Variants in GRM5 observed in about 807,000 individuals in gnomAD.
GRM5 encodes metabotropic glutamate receptor 5.
Under a neutral mutation model 83.1 loss-of-function variants are expected in GRM5, and 19 were observed. That is an observed-to-expected ratio of 0.23 (90% CI 0.16 to 0.34). GRM5 has a LOEUF of 0.34. GRM5 is among the 10% of genes least tolerant of loss of function. GRM5 has a pLI of 1.00. For synonymous variants in GRM5, 675 were observed against 633.6 expected, an observed-to-expected ratio of 1.07 and a Z score of -0.98; for missense variants, 1,160 against 1,588.3, an observed-to-expected ratio of 0.73 and a Z score of 4.58.
At chr11:88,719,109 G>T (rs1259382463) in intron 3 of GRM5, among the ~76,000 whole-genome samples, 2 of 151,380 alleles carry the variant, frequency 1.3e-5, no homozygotes, top group Non-Finnish European at 1.5e-5. Flanking sequence ...ACAAGTGCAG[G>T]TTTGTTACAT....
chr11:88,645,982 A>G (rs927335172), intron 4 of GRM5, among the ~76,000 whole-genome samples: 2 of 152,096 alleles, frequency 1.3e-5, no homozygotes, highest in Admixed American at 1.3e-4. Flanking sequence ...GGAGGAACCT[A>G]AAGTTTGAGG....
intron 2 of GRM5, among the ~76,000 whole-genome samples, chr11:89,028,945 AC>A (rs1023938837): frequency 1.3e-4 from 18 of 141,760 alleles, no homozygotes; most frequent in Admixed American, 1.1e-3. Flanking sequence ...CCAGTCCCCC[AC>A]CCCCCTACGT....
intron 3 of GRM5, among the ~76,000 whole-genome samples, chr11:88,841,762 C>T (rs1944207122): frequency 6.6e-6 from 1 of 152,202 alleles, no homozygotes; most frequent in South Asian, 2.1e-4. Context: ...TTCAGCATCA[C>T]TACTGACACT....
intron 3 of GRM5, among the ~76,000 whole-genome samples, chr11:88,656,140 T>C (rs1451072848): frequency 6.4e-5 from 1 of 15,718 alleles, no homozygotes; most frequent in Non-Finnish European, 1.5e-4. Context: ...CAATTTAATT[T>C]TTTGGGTGAC....
intron 3 of GRM5, among the ~76,000 whole-genome samples, chr11:88,829,985 C>G (rs1449713216): frequency 6.6e-6 from 1 of 151,376 alleles, no homozygotes; most frequent in Non-Finnish European, 1.5e-5. Context: ...ACATTGGTTA[C>G]CTGGGGAGAA....
intron 3 of GRM5, among the ~76,000 whole-genome samples, chr11:88,701,246 C>G (rs1941027886): frequency 6.6e-6 from 1 of 152,128 alleles, no homozygotes; most frequent in African/African-American, 2.4e-5. Flanking sequence ...TTTACCATGA[C>G]AGGGAAGAGT....
intron 3 of GRM5, among the ~76,000 whole-genome samples, chr11:88,739,051 T>A (rs186338814): frequency 7.1e-4 from 108 of 152,230 alleles, no homozygotes; most frequent in Middle Eastern, 3.4e-3. Context: ...TTCCATAAAA[T>A]TAAAATTACG....
At chr11:88,669,356 C>G (rs1381392408) in intron 3 of GRM5, among the ~76,000 whole-genome samples, 2 of 152,072 alleles carry the variant, frequency 1.3e-5, no homozygotes, top group Non-Finnish European at 2.9e-5. Context: ...AGAGTCTTTA[C>G]AGTGAAGATA....
intron 2 of GRM5, among the ~76,000 whole-genome samples, chr11:88,877,270 C>T (rs555647507): frequency 6.6e-6 from 1 of 151,956 alleles, no homozygotes; most frequent in Non-Finnish European, 1.5e-5. Flanking sequence ...TAAATTAGCA[C>T]ATGAAAATAT....
chr11:88,871,974 A>G (rs760771372), intron 2 of GRM5, among the ~76,000 whole-genome samples: 63 of 151,574 alleles, frequency 4.2e-4, no homozygotes, highest in Non-Finnish European at 7.4e-4. Context: ...ATGTTAGGAA[A>G]AAAAACAGGC....
intron 9 of GRM5, among the ~76,000 whole-genome samples, chr11:88,519,039 G>A (rs16914126): frequency 0.15 from 21,810 of 146,956 alleles, 1,824 homozygotes; most frequent in African/African-American, 0.19. Context: ...ATGCAATATC[G>A]GATGTAAAGG....
intron 6 of GRM5, among the ~76,000 whole-genome samples, chr11:88,594,907 T>G (rs1937757188): frequency 6.6e-6 from 1 of 152,226 alleles, no homozygotes; most frequent in Non-Finnish European, 1.5e-5. Context: ...TAAATTATTT[T>G]GATATCATTT....
chr11:88,722,714 A>C (rs1995203), intron 3 of GRM5, among the ~76,000 whole-genome samples: 97,425 of 152,054 alleles, frequency 0.64, 33,364 homozygotes, highest in South Asian at 0.85. Context: ...AGTAGATTTT[A>C]ATTTTTAGCA....
chr11:88,902,169 T>G (rs1945324101), intron 2 of GRM5, among the ~76,000 whole-genome samples: 1 of 152,018 alleles, frequency 6.6e-6, no homozygotes, highest in African/African-American at 2.4e-5. Flanking sequence ...TTTTTTTGTT[T>G]GTTTGTTTTT....
intron 2 of GRM5, among the ~76,000 whole-genome samples, chr11:89,020,109 C>A (rs545543746): frequency 6.6e-6 from 1 of 152,136 alleles, no homozygotes; most frequent in Non-Finnish European, 1.5e-5. Context: ...ATTCCAGGGG[C>A]TGAATATACC....
chr11:88,562,950 T>C (rs557272240), intron 8 of GRM5, among the ~76,000 whole-genome samples: 13 of 152,240 alleles, frequency 8.5e-5, no homozygotes, highest in African/African-American at 3.1e-4. Context: ...TTACAACCAT[T>C]AGTAAAAGGC....
intron 1 of GRM5, among the ~76,000 whole-genome samples, chr11:89,053,734 T>C (rs963980357): frequency 2.7e-5 from 4 of 148,198 alleles, no homozygotes; most frequent in Admixed American, 6.7e-5. Context: ...GCCAGAGATA[T>C]AGGAAATTTT....
intron 2 of GRM5, among the ~76,000 whole-genome samples, chr11:88,997,633 T>C (rs970377670): frequency 2.6e-5 from 4 of 151,992 alleles, no homozygotes; most frequent in Non-Finnish European, 5.9e-5. Context: ...ATACAGAGCC[T>C]TCAAATATTA....
At chr11:88,735,059 C>T (rs1233775989) in intron 3 of GRM5, among the ~76,000 whole-genome samples, 1 of 150,502 alleles carries the variant, frequency 6.6e-6, no homozygotes, top group African/African-American at 2.5e-5. Flanking sequence ...CAAAATAAAC[C>T]TATCTTAAGA....
Sources: gnomAD v4.1 joint callset for allele counts (sites outside exome capture counted in the v4.1 genomes callset) on GRCh38, gnomAD v4.1.1 for gene constraint, MANE v1.5 for transcripts, NCBI Gene and HGNC (gene_info 2026-07-23, HGNC 2026-07-21) for gene names.